The following HBS1L variants were observed in gnomAD, a reference collection of about 807,000 sequenced individuals.
HBS1L encodes the protein HBS1 like translational GTPase.
In HBS1L, 55 loss-of-function variants were observed where a neutral mutation model predicts 88.9. That is an observed-to-expected ratio of 0.62 (90% confidence interval 0.50 to 0.77). The LOEUF (loss-of-function observed/expected upper bound fraction) is 0.77. HBS1L is among the 30% of genes least tolerant of loss of function. The probability of loss-of-function intolerance (pLI) is 0.00; values close to 1 mark genes in which losing one functional copy is unlikely to be tolerated. For synonymous variants in HBS1L, 267 were observed against 288.5 expected (o/e 0.93, Z 0.76); for missense variants, 741 against 829.3 (o/e 0.89, Z 1.31).
intron 7 of HBS1L, among the ~76,000 whole-genome samples, chr6:134,996,061 A>G (rs192905820): frequency 9.9e-5 from 15 of 152,226 alleles, no homozygotes; most frequent in African/African-American, 3.6e-4. Context: ...CTTCCACAGG[A>G]CTTTATAGGT....
chr6:134,973,708 T>C (rs1053060594), intron 15 of HBS1L, among the ~76,000 whole-genome samples: 18 of 152,026 alleles, frequency 1.2e-4, no homozygotes, highest in African/African-American at 4.1e-4. Context: ...TCCCAGCTAC[T>C]CGAGAGGCTG....
intron 4 of HBS1L, chr6:135,036,907 G>C (rs1043185736): frequency 3.9e-6 from 6 of 1,551,664 alleles, no homozygotes; most frequent in Non-Finnish European, 5.2e-6. Context: ...TAGAACTTTA[G>C]TTCGTGATGA....
At chr6:135,042,704 G>C (rs943544778) in intron 2 of HBS1L, among the ~76,000 whole-genome samples, 5 of 151,780 alleles carry the variant, frequency 3.3e-5, no homozygotes, top group African/African-American at 7.3e-5. Context: ...AGCTACTCAG[G>C]AGGCTGAGGC....
rs147068906 is a variant in HBS1L, at chr6:135,014,255, A to G, written c.431-11413T>C. ...CTCCTTTCATTCAGCACAAAATTAC[A>G]ACAGTCCATAAAGGAACTCTGCTTC... On this transcript the variant is annotated intron_variant, in intron 4 of 17. Coordinates refer to ENST00000367837, the MANE Select transcript of HBS1L (RefSeq NM_006620.4). Among the ~76,000 whole-genome samples the G allele has an allele frequency of 5.3e-5, 8 of 152,328 alleles. No homozygotes were observed. In the East Asian group the frequency reaches 1.5e-3, roughly 29 times the overall value.
intron 4 of HBS1L, among the ~76,000 whole-genome samples, chr6:135,035,451 T>G (rs1486754914): frequency 7.4e-6 from 1 of 134,964 alleles, no homozygotes; most frequent in Non-Finnish European, 1.6e-5. Flanking sequence ...AAAAAAATAA[T>G]AAGAACAGGC....
At chr6:135,043,222 G>A (rs1776803954) in intron 2 of HBS1L, among the ~76,000 whole-genome samples, 1 of 152,206 alleles carries the variant, frequency 6.6e-6, no homozygotes, top group South Asian at 2.1e-4. Context: ...CCTGGACACT[G>A]TGTTCAATTG....
chr6:135,052,583 TA>T (rs55725857), intron 1 of HBS1L, among the ~76,000 whole-genome samples: 72,278 of 137,722 alleles, frequency 0.52, 18,081 homozygotes, highest in African/African-American at 0.56. Flanking sequence ...TCCTGTCTCT[TA>T]AAAAAAAAAA....
Position 134,997,570 on chromosome 6 carries a change from A to C in HBS1L, c.626T>G (p.Leu209Arg). The C allele has an allele frequency of 6.2e-7, 1 of 1,614,114 alleles. No homozygotes were observed. Among genetic ancestry groups the C allele is most frequent in the South Asian group, 1.1e-5 (1 of 91,082 alleles). The part of the protein sequence containing the change: ...IEDAIASSDV[L>R]ETASKSANPP... The stretch of plus-strand genomic sequence containing the variant: ...ATTAGCAGATTTAGAAGCAGTCTCA[A>C]GAACATCGGAAGAAGCAATGGCATC... The change falls in exon 6 of 18, where the codon CTT becomes CGT. Residue 209 changes from leucine (L) to arginine (R), a missense_variant. By Grantham distance (102) the Leu-to-Arg change is moderately radical. This residue lies in a region of HBS1L where 556 missense variants were observed against 598.4 expected (regional missense o/e 0.93). Transcript: ENST00000367837.
At position 134,993,874 on chromosome 6, in the gene HBS1L, C is replaced by T. The variant is rs1236097603; in HGVS notation, c.967G>A (p.Gly323Arg). Reference protein sequence around the residue: ...LDETGEERERGVTMDVGMTKF... With the variant: ...LDETGEERERRVTMDVGMTKF... Reference sequence around the variant, plus strand: ...GTCATACCAACATCCATGGTTACTCCCCTTAAACAAAACATAACATGGTTA... The same window carrying T: ...GTCATACCAACATCCATGGTTACTCTCCTTAAACAAAACATAACATGGTTA... Residue 323 changes from glycine to arginine, a missense_variant and splice_region_variant, in exon 8 of 18, where the codon GGA becomes AGA. By Grantham distance (125) the Gly-to-Arg change is moderately radical. This residue lies in a region of HBS1L where 556 missense variants were observed against 598.4 expected (regional missense o/e 0.93). Coordinates refer to ENST00000367837, the MANE Select transcript of HBS1L (RefSeq NM_006620.4). The T allele has an allele frequency of 1.3e-6, 2 of 1,490,426 alleles. No individual in the cohort carries two copies. Among genetic ancestry groups the T allele is most frequent in the Non-Finnish European group, 1.9e-6 (2 of 1,075,064 alleles). 92.3% of individuals were successfully genotyped at this position (1,490,426 alleles called of 1,614,324 possible). A position where few individuals can be genotyped will look rare whatever the true frequency, so the allele number is the denominator to read the frequency against.
rs1047804974 is a variant in HBS1L, at chr6:134,992,433, C to T, written c.1083+1325G>A. ...GATACTGGTATAAACAAATCTACTG[C>T]GCTGCCAATTGTATAAAAGAATATA... On this transcript the variant is annotated intron_variant, in intron 8 of 17. Coordinates refer to ENST00000367837, the MANE Select transcript of HBS1L (RefSeq NM_006620.4). Among the ~76,000 whole-genome samples the T allele has an allele frequency of 4.6e-5, 7 of 152,136 alleles. 1 individual carries two copies. The highest frequency in any genetic ancestry group is 4.8e-5 in the African/African-American group (2 of 41,494).
intron 4 of HBS1L, among the ~76,000 whole-genome samples, chr6:135,016,016 C>T (rs1240077782): frequency 6.6e-6 from 1 of 151,654 alleles, no homozygotes; most frequent in Admixed American, 6.6e-5. Context: ...CTCCCAAGTA[C>T]CTAGGAATTA....
Position 134,965,227 on chromosome 6 carries a change from C to G in HBS1L, c.*52G>C. Reference sequence around the variant, plus strand: ...TGACTTAATAACTGCATTCTTGAAACAGAGGTTAGCTATTTCACTGTATCC... The same window carrying G: ...TGACTTAATAACTGCATTCTTGAAAGAGAGGTTAGCTATTTCACTGTATCC... On this transcript the variant is annotated 3_prime_UTR_variant, in exon 18 of 18. Transcript: ENST00000367837. 1.3e-5 allele frequency: 18 copies of G among 1,437,102 alleles called. No individual in the cohort carries two copies. The highest frequency in any genetic ancestry group is 2.3e-5 in the South Asian group (2 of 86,406). 89.0% of individuals were successfully genotyped at this position (1,437,102 alleles called of 1,614,324 possible).
intron 8 of HBS1L, among the ~76,000 whole-genome samples, chr6:134,989,438 T>TTCTGGTC (rs1775070507): frequency 6.6e-6 from 1 of 152,174 alleles, no homozygotes; most frequent in South Asian, 2.1e-4. Flanking sequence ...TCCACATCAT[T>TTCTGGTC]AAGTTCTCCT....
At position 134,963,199 on chromosome 6, in the gene HBS1L, T is replaced by C. The variant is rs1034228951; in HGVS notation, c.*2080A>G. The C allele has an allele frequency of 4.6e-5, 7 of 152,168 alleles. No homozygotes were observed. Among genetic ancestry groups the C allele is most frequent in the Non-Finnish European group, 8.8e-5 (6 of 68,010 alleles). The allele number at this position is 152,168 out of a possible 1,614,324, so 9.4% of individuals were successfully genotyped here. ...GAATTTCCAACCCTCACACAACTGT[T>C]AGCTACATGCTTTGTGTGATATTAA... On this transcript the variant is annotated 3_prime_UTR_variant, in exon 18 of 18. Coordinates refer to ENST00000367837, the MANE Select transcript of HBS1L (RefSeq NM_006620.4).
chr6:135,026,158 TA>T (rs1195144210), intron 4 of HBS1L, among the ~76,000 whole-genome samples: 2 of 152,182 alleles, frequency 1.3e-5, no homozygotes, highest in African/African-American at 2.4e-5. Context: ...ATAAATTGTT[TA>T]AAAAAATAAT....
chr6:134,994,993 G>A (rs1488901719), intron 7 of HBS1L, among the ~76,000 whole-genome samples: 1 of 152,090 alleles, frequency 6.6e-6, no homozygotes, highest in Non-Finnish European at 1.5e-5. Context: ...TAAAGTAACT[G>A]TAGGTCTCCT....
rs957492752 is a variant in HBS1L at position 134,964,475 on chromosome 6, G to A, written c.*804C>T. 2.0e-5 allele frequency: 3 copies of A among 152,108 alleles called. No homozygotes were observed. Among genetic ancestry groups the A allele is most frequent in the African/African-American group, 7.2e-5 (3 of 41,422 alleles). The allele number at this position is 152,108 out of a possible 1,614,324, so 9.4% of individuals were successfully genotyped here. On this transcript the variant is annotated 3_prime_UTR_variant, in exon 18 of 18. Transcript: ENST00000367837. Reference sequence around the variant, plus strand: ...GCAAGTTATGGTTAAAAAAATGAATGAGATGAAATTGGATCTGCCATTAGG... The same window carrying A: ...GCAAGTTATGGTTAAAAAAATGAATAAGATGAAATTGGATCTGCCATTAGG...
intron 10 of HBS1L, 25 bp downstream of exon 10, chr6:134,986,711 A>T: frequency 7.3e-7 from 1 of 1,372,678 alleles, no homozygotes; most frequent in Non-Finnish European, 1.0e-6. Context: ...GAAAGTAATA[A>T]CAAATAAATC....
intron 13 of HBS1L, 114 bp downstream of exon 13, chr6:134,982,344 A>G (rs1170653919): frequency 9.4e-6 from 6 of 641,394 alleles, no homozygotes; most frequent in Non-Finnish European, 1.7e-5. Context: ...TTTGACAGTC[A>G]GTTACAATTT....
Sources: allele counts gnomAD v4.1 joint callset (sites outside exome capture counted in the v4.1 genomes callset), GRCh38; gene constraint gnomAD v4.1.1; regional missense constraint gnomAD v4.1.1; transcripts MANE v1.5; gene names NCBI Gene and HGNC (gene_info 2026-07-23, HGNC 2026-07-21).